Variants in GIGYF2 observed in about 807,000 individuals in gnomAD.
GIGYF2 encodes GRB10 interacting GYF protein 2.
In GIGYF2, 25 loss-of-function variants were observed where a neutral mutation model predicts 208.1. The observed-to-expected ratio is 0.12, with a 90% CI of 0.09 to 0.17. The LOEUF (loss-of-function observed/expected upper bound fraction) is 0.17. Among genes scored for constraint, GIGYF2 ranks in the 10% least tolerant of loss-of-function variants. The probability of loss-of-function intolerance (pLI) is 1.00; values close to 1 mark genes in which losing one functional copy is unlikely to be tolerated. For synonymous variants in GIGYF2, 534 were observed against 543.8 expected (o/e 0.98, Z 0.25); for missense variants, 1,302 against 1,579.4 (o/e 0.82, Z 2.98).
intron 2 of GIGYF2, among the ~76,000 whole-genome samples, chr2:232,714,644 C>T (rs1349661410): frequency 1.3e-5 from 2 of 152,126 alleles, no homozygotes; most frequent in African/African-American, 4.8e-5. Context: ...AGATATGTAA[C>T]ATTTTCATTA....
chr2:232,857,311 A>T lies in GIGYF2; in HGVS notation c.*451A>T. The T allele has an allele frequency of 4.3e-6, 1 of 231,090 alleles. No homozygotes were observed. Among genetic ancestry groups the T allele is most frequent in the Non-Finnish European group, 8.7e-6 (1 of 115,276 alleles). The allele number at this position is 231,090 out of a possible 1,614,324, so 14.3% of individuals were successfully genotyped here. ...CAATCATGAAGAGAGTTAATGGTTA[A>T]CAGACATTGGCCAATAACAAAACAC... On this transcript the variant is annotated 3_prime_UTR_variant, in exon 29 of 29. Transcript: ENST00000373563.
intron 8 of GIGYF2, among the ~76,000 whole-genome samples, chr2:232,780,539 CCCTT>C (rs1352347395): frequency 6.6e-6 from 1 of 152,182 alleles, no homozygotes; most frequent in African/African-American, 2.4e-5. Context: ...AAGCTGTAGA[CCCTT>C]TTCCCTGAAA....
intron 2 of GIGYF2, among the ~76,000 whole-genome samples, chr2:232,723,175 A>G (rs1189074247): frequency 6.6e-6 from 1 of 152,084 alleles, no homozygotes; most frequent in East Asian, 1.9e-4. Context: ...CCTTGGAAGC[A>G]TTCTAAGTCA....
chr2:232,730,620 CG>C (rs1461272578), intron 2 of GIGYF2, among the ~76,000 whole-genome samples: 2 of 122,104 alleles, frequency 1.6e-5, no homozygotes, highest in Non-Finnish European at 3.4e-5. Context: ...AAAAAAAGGC[CG>C]GGCGCGGTGG....
intron 8 of GIGYF2, chr2:232,765,967 C>T (rs762949156): frequency 6.4e-6 from 3 of 466,102 alleles, no homozygotes; most frequent in Non-Finnish European, 4.4e-6. Context: ...GACCAAGCTC[C>T]CAGATGATCC....
At chr2:232,735,666 G>A (rs572959449) in intron 3 of GIGYF2, 59 of 991,378 alleles carry the variant, frequency 6.0e-5, no homozygotes, top group Non-Finnish European at 7.0e-5. Context: ...GGCTAGGCAG[G>A]TAGTTCAGTA....
chr2:232,730,705 C>T (rs1388908743), intron 2 of GIGYF2, among the ~76,000 whole-genome samples: 9 of 148,162 alleles, frequency 6.1e-5, no homozygotes, highest in African/African-American at 1.2e-4. Flanking sequence ...GAGACCATCC[C>T]GGCTAAAATG....
intron 22 of GIGYF2, among the ~76,000 whole-genome samples, chr2:232,835,500 T>C: frequency 6.6e-6 from 1 of 152,168 alleles, no homozygotes; most frequent in East Asian, 1.9e-4. Flanking sequence ...TTCCCCAGTG[T>C]ATGGGTTATA....
chr2:232,844,438 T>C lies in GIGYF2; in HGVS notation c.3169T>C (p.Trp1057Arg). The C allele has an allele frequency of 6.2e-7, 1 of 1,613,088 alleles. No homozygotes were observed. ...GSINTGPPNQ[W>R]ASDLVSSIWS... ...TATAAATACTGGTCCTCCTAACCAGTGGGCATCTGACCTAGTCAGTAGTAT... is the reference window on the plus strand; with the variant it reads ...TATAAATACTGGTCCTCCTAACCAGCGGGCATCTGACCTAGTCAGTAGTAT... Residue 1057 changes from tryptophan (W) to arginine (R), a missense_variant, in exon 25 of 29, where the codon TGG becomes CGG. Coordinates refer to ENST00000373563, the MANE Select transcript of GIGYF2 (RefSeq NM_001103146.3).
rs541275653 is a variant in GIGYF2, at chr2:232,698,043, G to A, written c.-110+651G>A. Among the ~76,000 whole-genome samples, 11 of 152,292 alleles carry A rather than the reference G, an allele frequency of 7.2e-5. No homozygotes were observed. In the South Asian group the frequency reaches 1.0e-3, roughly 14 times the overall value. ...AAACTAGAGCCCATGGCAGCCTTGG[G>A]GACCCAAATGTTCACATCAGGTTGA... On this transcript the variant is annotated intron_variant, in intron 1 of 28. Coordinates refer to ENST00000373563, the MANE Select transcript of GIGYF2 (RefSeq NM_001103146.3).
At chr2:232,826,473 CA>C in intron 21 of GIGYF2, among the ~76,000 whole-genome samples, 1 of 152,228 alleles carries the variant, frequency 6.6e-6, no homozygotes, top group African/African-American at 2.4e-5. Flanking sequence ...AGCATTTTTT[CA>C]TATGTCTGTT....
At chr2:232,729,516 A>T (rs944704650) in intron 2 of GIGYF2, 1 of 1,278,110 alleles carries the variant, frequency 7.8e-7, no homozygotes, top group South Asian at 1.7e-5. Context: ...ATGACCCAGG[A>T]TGGATTTTAG....
chr2:232,802,132 C>CTGAATT (rs1267916362), intron 14 of GIGYF2, among the ~76,000 whole-genome samples: 2 of 151,796 alleles, frequency 1.3e-5, no homozygotes, highest in South Asian at 4.2e-4. Flanking sequence ...TGCCACTTTG[C>CTGAATT]TGAATTTATT....
intron 8 of GIGYF2, among the ~76,000 whole-genome samples, chr2:232,772,603 C>T (rs900477596): frequency 2.0e-5 from 3 of 152,164 alleles, no homozygotes; most frequent in Admixed American, 6.5e-5. Flanking sequence ...TGTAATCATC[C>T]TTGCGTATGA....
intron 8 of GIGYF2, chr2:232,768,313 T>G: frequency 6.2e-7 from 1 of 1,614,174 alleles, no homozygotes; most frequent in Non-Finnish European, 8.5e-7. Context: ...TCAGGGACAG[T>G]CTTGTCAAAA....
chr2:232,758,305 A>G (rs1165187925), intron 6 of GIGYF2, among the ~76,000 whole-genome samples: 1 of 152,234 alleles, frequency 6.6e-6, no homozygotes, highest in Non-Finnish European at 1.5e-5. Context: ...ATCATGTACT[A>G]GTAAAATTTA....
In GIGYF2 at chr2:232,819,361, C is replaced by T. The variant is rs561470522; in HGVS notation, c.2371-466C>T. 8.0e-4 allele frequency among the ~76,000 whole-genome samples: 122 copies of T among 152,222 alleles called. 1 individual carries two copies. The highest frequency in any genetic ancestry group is 3.4e-3 in the Middle Eastern group (1 of 294). On this transcript the variant is annotated intron_variant, in intron 20 of 28. Coordinates refer to ENST00000373563, the MANE Select transcript of GIGYF2 (RefSeq NM_001103146.3). ...GGTGGGACTTTTGATCTTCAGAACACGTTCTGGGACACATGGCTTTACTCA... is the reference window on the plus strand; with the variant it reads ...GGTGGGACTTTTGATCTTCAGAACATGTTCTGGGACACATGGCTTTACTCA...
chr2:232,836,383 A>AAT (rs749376190), intron 22 of GIGYF2, among the ~76,000 whole-genome samples: 13,657 of 42,354 alleles, frequency 0.32, 3,860 homozygotes, highest in Non-Finnish European at 0.35. Flanking sequence ...TATAAATATA[A>AAT]ATATATATAA....
At chr2:232,834,157 A>G (rs1324036653) in intron 22 of GIGYF2, among the ~76,000 whole-genome samples, 1 of 152,174 alleles carries the variant, frequency 6.6e-6, no homozygotes, top group African/African-American at 2.4e-5. Flanking sequence ...GCATAACTTC[A>G]TGCTGGGTCT....
Sources: gnomAD v4.1 joint callset for allele counts (sites outside exome capture counted in the v4.1 genomes callset) on GRCh38, gnomAD v4.1.1 for gene constraint, MANE v1.5 for transcripts, NCBI Gene and HGNC (gene_info 2026-07-23, HGNC 2026-07-21) for gene names.